The following KCNH8 variants were observed in gnomAD, a reference collection of about 807,000 sequenced individuals.
KCNH8 encodes the protein voltage-gated delayed rectifier potassium channel KCNH8.
A neutral mutation model predicts 103.6 loss-of-function variants in KCNH8; 70 were observed. The observed-to-expected ratio is 0.68, with a 90% CI of 0.56 to 0.82. The LOEUF (loss-of-function observed/expected upper bound fraction) is 0.82. KCNH8 is among the 40% of genes least tolerant of loss of function. KCNH8 has a pLI of 0.00. For synonymous variants in KCNH8, 498 were observed against 489.4 expected, an observed-to-expected ratio of 1.02 and a Z score of -0.23; for missense variants, 1,217 against 1,329.9, an observed-to-expected ratio of 0.92 and a Z score of 1.32.
chr3:19,335,039 T>TTC (rs1402572936), intron 3 of KCNH8, among the ~76,000 whole-genome samples: 3 of 152,062 alleles, frequency 2.0e-5, no homozygotes, highest in African/African-American at 4.8e-5. Flanking sequence ...ATTACCTTCA[T>TTC]TCTCTCTCTC....
chr3:19,246,112 G>A (rs946750504), intron 1 of KCNH8, among the ~76,000 whole-genome samples: 1 of 151,874 alleles, frequency 6.6e-6, no homozygotes, highest in African/African-American at 2.4e-5. Flanking sequence ...CTTCAAGTTT[G>A]TTTATCTTAA....
intron 7 of KCNH8, among the ~76,000 whole-genome samples, chr3:19,425,224 T>A (rs2067010943): frequency 6.6e-6 from 1 of 152,232 alleles, no homozygotes; most frequent in African/African-American, 2.4e-5. Context: ...GTAATTATTA[T>A]TCATGTGCTT....
At chr3:19,447,617 AGCC>A (rs974768881) in intron 8 of KCNH8, among the ~76,000 whole-genome samples, 5 of 152,046 alleles carry the variant, frequency 3.3e-5, no homozygotes, top group Non-Finnish European at 2.9e-5. Context: ...CCAAACACTT[AGCC>A]CATAAGTATA....
At chr3:19,454,225 C>A (rs1408373168) in intron 10 of KCNH8, among the ~76,000 whole-genome samples, 13 of 150,618 alleles carry the variant, frequency 8.6e-5, no homozygotes, top group Non-Finnish European at 1.5e-5. Context: ...GAATTTAACA[C>A]TCTTCCTGGC....
chr3:19,529,815 G>T (rs1258652001), intron 15 of KCNH8, among the ~76,000 whole-genome samples: 1 of 152,090 alleles, frequency 6.6e-6, no homozygotes, highest in Non-Finnish European at 1.5e-5. Context: ...TAAGGTTCAG[G>T]GGTGTATCCC....
chr3:19,261,062 A>T (rs1311861519), intron 2 of KCNH8, among the ~76,000 whole-genome samples: 1 of 150,048 alleles, frequency 6.7e-6, no homozygotes, highest in Non-Finnish European at 1.5e-5. Flanking sequence ...TGTTGTGATT[A>T]GTGCTGCAAT....
rs567311226 is a variant in KCNH8 at position 19,216,631 on chromosome 3, C to T, written c.77-37023C>T. On this transcript the variant is annotated intron_variant, in intron 1 of 15. Transcript: ENST00000328405. ...AAAATGTGTTAGAGTTTCCTTGCCA[C>T]CTTTATTTATGTGATTTTAGTCCCT... Among the ~76,000 whole-genome samples, 5 of 152,270 alleles carry T rather than the reference C, an allele frequency of 3.3e-5. No individual in the cohort carries two copies. In the East Asian group the frequency reaches 9.7e-4, roughly 29 times the overall value.
At chr3:19,252,044 C>T (rs940770028) in intron 1 of KCNH8, among the ~76,000 whole-genome samples, 3 of 152,094 alleles carry the variant, frequency 2.0e-5, no homozygotes, top group Non-Finnish European at 4.4e-5. Flanking sequence ...TACCAAGTGT[C>T]CAACATTTGT....
intron 3 of KCNH8, among the ~76,000 whole-genome samples, chr3:19,313,240 G>A (rs570424405): frequency 3.3e-5 from 5 of 151,920 alleles, no homozygotes; most frequent in African/African-American, 1.2e-4. Context: ...TCTGAGGACA[G>A]CATTTCTCTA....
intron 5 of KCNH8, among the ~76,000 whole-genome samples, chr3:19,385,726 T>C (rs933955105): frequency 2.0e-5 from 3 of 152,198 alleles, no homozygotes; most frequent in African/African-American, 7.2e-5. Context: ...TATTCATTCG[T>C]CTCACACCTT....
In KCNH8 at chr3:19,424,835, A is replaced by G. The variant is rs539149708; in HGVS notation, c.1178-13329A>G. The stretch of plus-strand genomic sequence containing the variant: ...AGATATACAAATGGCCAACAAACAT[A>G]TAAAAAAGTCTCTTAAAATTATTTC... On this transcript the variant is annotated intron_variant, in intron 7 of 15. Transcript: ENST00000328405. Among the ~76,000 whole-genome samples the G allele has an allele frequency of 4.6e-5, 7 of 152,350 alleles. No individual in the cohort carries two copies. The South Asian group carries it at 1.2e-3, about 27-fold the overall frequency.
intron 11 of KCNH8, among the ~76,000 whole-genome samples, chr3:19,502,603 A>G (rs1217342416): frequency 2.6e-5 from 4 of 152,188 alleles, no homozygotes; most frequent in African/African-American, 7.2e-5. Context: ...AACAGAACAG[A>G]GCCCTCAGAA....
At chr3:19,154,424 A>G (rs933353565) in intron 1 of KCNH8, among the ~76,000 whole-genome samples, 2 of 152,152 alleles carry the variant, frequency 1.3e-5, no homozygotes, top group Non-Finnish European at 1.5e-5. Flanking sequence ...GAAGTGATAG[A>G]TCCATATTTT....
At chr3:19,484,462 C>T (rs2068161236) in intron 11 of KCNH8, among the ~76,000 whole-genome samples, 1 of 152,210 alleles carries the variant, frequency 6.6e-6, no homozygotes, top group Non-Finnish European at 1.5e-5. Flanking sequence ...CGATGATTCT[C>T]CTCATGCTTC....
chr3:19,496,932 T>C (rs2068454989), intron 11 of KCNH8, among the ~76,000 whole-genome samples: 1 of 152,146 alleles, frequency 6.6e-6, no homozygotes, highest in African/African-American at 2.4e-5. Context: ...AGGTTATATG[T>C]GTCCAGGAAT....
At chr3:19,518,144 C>G in intron 15 of KCNH8, 70 bp downstream of exon 15, 8 of 1,227,912 alleles carry the variant, frequency 6.5e-6, no homozygotes, top group East Asian at 2.3e-5. Context: ...CTCGCAGAAG[C>G]AGTGTAATAT....
At chr3:19,466,206 G>T (rs192669894) in intron 11 of KCNH8, among the ~76,000 whole-genome samples, 1 of 152,214 alleles carries the variant, frequency 6.6e-6, no homozygotes, top group East Asian at 1.9e-4. Flanking sequence ...GATTACAGGT[G>T]TTAGCCACCA....
At chr3:19,194,520 G>C (rs145446930) in intron 1 of KCNH8, among the ~76,000 whole-genome samples, 1 of 151,866 alleles carries the variant, frequency 6.6e-6, no homozygotes, top group East Asian at 1.9e-4. Context: ...ACCTATTATA[G>C]GGCTAGGACA....
At chr3:19,384,523 T>C (rs1214667451) in intron 5 of KCNH8, among the ~76,000 whole-genome samples, 1 of 152,226 alleles carries the variant, frequency 6.6e-6, no homozygotes, top group Non-Finnish European at 1.5e-5. Flanking sequence ...AAAGTTCACT[T>C]CAGTATTTAG....
Sources: allele counts gnomAD v4.1 joint callset (sites outside exome capture counted in the v4.1 genomes callset), GRCh38; gene constraint gnomAD v4.1.1; transcripts MANE v1.5; gene names NCBI Gene and HGNC (gene_info 2026-07-23, HGNC 2026-07-21).